ARHGAP35: variants seen among roughly 807,000 people sequenced by gnomAD.
ARHGAP35 encodes rho GTPase-activating protein 35.
ARHGAP35 carries 15 observed loss-of-function variants against 111.1 expected under a neutral mutation model. The observed-to-expected ratio is 0.13, with a 90% confidence interval of 0.09 to 0.21. The LOEUF (loss-of-function observed/expected upper bound fraction) is 0.21. Ranked by LOEUF, ARHGAP35 falls within the 10% of genes least tolerant of loss-of-function variation. ARHGAP35 has a pLI of 1.00. For synonymous variants in ARHGAP35, 643 were observed against 710.3 expected, an observed-to-expected ratio of 0.91 and a Z score of 1.51; for missense variants, 1,262 against 1,873.0, an observed-to-expected ratio of 0.67 and a Z score of 6.02.
rs116688324 is a variant in ARHGAP35, at chr19:46,918,349, C to T, written c.-188-139C>T. ...AGTCTTACTTGCTCTTGTATCTTCA[C>T]CCAGCACAAGGCCTGACACATGAGA... On this transcript the variant is annotated intron_variant, in intron 1 of 6. Coordinates refer to ENST00000672722, the MANE Select transcript of ARHGAP35 (RefSeq NM_004491.5). This position sits in a 1 kb window ranked among gnomAD's most constrained non-coding sequence, Gnocchi z 5.4. 0.012 allele frequency among the ~76,000 whole-genome samples: 1,871 copies of T among 152,244 alleles called. 38 individuals carry two copies. The highest frequency in any genetic ancestry group is 0.042 in the African/African-American group (1,763 of 41,514).
Position 46,966,262 on chromosome 19 carries a change from A to G in ARHGAP35, c.3827-21727A>G, listed in dbSNP as rs570733936. Reference sequence around the variant, plus strand: ...TTATTTTATTTATATACAAAATGCAATTGAGGCCAGGCGCAGTGGCTCATG... The same window carrying G: ...TTATTTTATTTATATACAAAATGCAGTTGAGGCCAGGCGCAGTGGCTCATG... On this transcript the variant is annotated intron_variant, in intron 3 of 6. Coordinates refer to ENST00000672722, the MANE Select transcript of ARHGAP35 (RefSeq NM_004491.5). 5.3e-5 allele frequency among the ~76,000 whole-genome samples: 8 copies of G among 152,298 alleles called. 1 individual carries two copies. Among genetic ancestry groups the G allele is most frequent in the African/African-American group, 1.9e-4 (8 of 41,560 alleles).
intron 3 of ARHGAP35, among the ~76,000 whole-genome samples, chr19:46,978,737 CTGTG>C (rs1160529570): frequency 1.5e-3 from 44 of 29,884 alleles, no homozygotes; most frequent in African/African-American, 5.6e-3. Context: ...GTGGTGGAGT[CTGTG>C]TGGTGTGTGT....
chr19:46,888,204 G>C (rs1294295479), intron 1 of ARHGAP35, among the ~76,000 whole-genome samples: 1 of 135,394 alleles, frequency 7.4e-6, no homozygotes, highest in Non-Finnish European at 1.6e-5. Context: ...CGCCCACCTC[G>C]GCCTCCCAAA....
Position 46,988,319 on chromosome 19 carries a change from T to A in ARHGAP35, c.3904+253T>A, listed in dbSNP as rs1038034969. On this transcript the variant is annotated intron_variant, in intron 4 of 6. Transcript: ENST00000672722. This position sits in a 1 kb window ranked among gnomAD's most constrained non-coding sequence, Gnocchi z 5.4. ...CACTCCCCACACTGCCACTCACAGA[T>A]GCTCTTCCAGGTTGCCCGGGCACAT... is the stretch of plus-strand genomic sequence containing the variant. 6.3e-6 allele frequency: 3 copies of A among 478,300 alleles called. No homozygotes were observed. The highest frequency in any genetic ancestry group is 7.7e-6 in the Non-Finnish European group (2 of 259,770). The allele number at this position is 478,300 out of a possible 1,614,324, so 29.6% of individuals were successfully genotyped here.
At chr19:46,944,538 C>T (rs2056367667) in intron 3 of ARHGAP35, among the ~76,000 whole-genome samples, 1 of 152,084 alleles carries the variant, frequency 6.6e-6, no homozygotes, top group Non-Finnish European at 1.5e-5. Flanking sequence ...ATATCTTGGG[C>T]GTCACTTCTG....
At chr19:46,968,886 A>G (rs1377503329) in intron 3 of ARHGAP35, among the ~76,000 whole-genome samples, 2 of 152,182 alleles carry the variant, frequency 1.3e-5, no homozygotes, top group Admixed American at 1.3e-4. Context: ...CGGGAGTTCA[A>G]GACCATCCTG....
At chr19:46,930,616 A>G (rs898204372) in intron 2 of ARHGAP35, among the ~76,000 whole-genome samples, 3 of 149,060 alleles carry the variant, frequency 2.0e-5, no homozygotes, top group Non-Finnish European at 4.4e-5. Context: ...TTCTGACTCT[A>G]AAATCTAGAT....
Position 47,001,055 on chromosome 19 carries a change from C to T in ARHGAP35, c.*367C>T, listed in dbSNP as rs995228430. ...GTCGGGACAGTGCCCTGGCCTTTGC[C>T]GGGGAGGAGGATGCTCTGAGATTCA... On this transcript the variant is annotated 3_prime_UTR_variant, in exon 7 of 7. Coordinates refer to ENST00000672722, the MANE Select transcript of ARHGAP35 (RefSeq NM_004491.5). The surrounding 1 kb of genome is among the most constrained non-coding windows in gnomAD (Gnocchi z 5.4). 25 of 1,344,942 alleles carry T rather than the reference C, an allele frequency of 1.9e-5. No individual in the cohort carries two copies. In the African/African-American group the frequency reaches 3.2e-4, roughly 17 times the overall value. 83.3% of individuals were successfully genotyped at this position (1,344,942 alleles called of 1,614,324 possible).
intron 3 of ARHGAP35, among the ~76,000 whole-genome samples, chr19:46,964,947 T>C (rs2056504243): frequency 2.0e-5 from 3 of 152,250 alleles, no homozygotes; most frequent in Admixed American, 1.3e-4. Context: ...TCAGTTATCA[T>C]AGTACTACCT....
intron 1 of ARHGAP35, among the ~76,000 whole-genome samples, chr19:46,881,367 A>G (rs1193632036): frequency 6.6e-6 from 1 of 152,250 alleles, no homozygotes; most frequent in Non-Finnish European, 1.5e-5. Context: ...TGTGTTTCTT[A>G]GGTAATAACA....
intron 1 of ARHGAP35, among the ~76,000 whole-genome samples, chr19:46,866,028 A>G (rs1166891308): frequency 6.6e-6 from 1 of 152,054 alleles, no homozygotes; most frequent in Non-Finnish European, 1.5e-5. Flanking sequence ...TTTAGTAGAG[A>G]TGGGGTTTCA....
Position 46,908,534 on chromosome 19 carries a change from G to A in ARHGAP35, c.-188-9954G>A, listed in dbSNP as rs1360979981. Among the ~76,000 whole-genome samples, 1 of 150,198 alleles carries A rather than the reference G, an allele frequency of 6.7e-6. No individual in the cohort carries two copies. Among genetic ancestry groups the A allele is most frequent in the Non-Finnish European group, 1.5e-5 (1 of 66,812 alleles). ...AATCCAGAAATTATGCTAAATCAGT[G>A]AGAAAGACTTCTTAGCTTTTGATTT... On this transcript the variant is annotated intron_variant, in intron 1 of 6. Coordinates refer to ENST00000672722, the MANE Select transcript of ARHGAP35 (RefSeq NM_004491.5). This position sits in a 1 kb window ranked among gnomAD's most constrained non-coding sequence, Gnocchi z 4.2.
chr19:46,965,360 A>G (rs1351248503), intron 3 of ARHGAP35, among the ~76,000 whole-genome samples: 1 of 152,222 alleles, frequency 6.6e-6, no homozygotes, highest in Non-Finnish European at 1.5e-5. Context: ...TACTGATTTT[A>G]CTTTCTTGTT....
chr19:46,900,770 A>G (rs1268817861), intron 1 of ARHGAP35, among the ~76,000 whole-genome samples: 1 of 151,274 alleles, frequency 6.6e-6, no homozygotes, highest in Admixed American at 6.6e-5. Context: ...AAATTAAAGA[A>G]AAAAAAAACA....
At chr19:46,892,318 A>G (rs1052002996) in intron 1 of ARHGAP35, among the ~76,000 whole-genome samples, 3 of 140,984 alleles carry the variant, frequency 2.1e-5, no homozygotes, top group South Asian at 2.3e-4. Flanking sequence ...AAAAAAAAAG[A>G]AAAAAAAAAA....
chr19:46,947,398 T>A (rs1028724355), intron 3 of ARHGAP35: 9 of 152,174 alleles, frequency 5.9e-5, no homozygotes, highest in Non-Finnish European at 1.2e-4. Flanking sequence ...ATGGAGCAAT[T>A]AGAATCCTCA....
intron 1 of ARHGAP35, among the ~76,000 whole-genome samples, chr19:46,910,826 A>G (rs1233924369): frequency 1.3e-5 from 2 of 152,126 alleles, no homozygotes; most frequent in Admixed American, 6.6e-5. Context: ...CCTGAGCTCA[A>G]GTGATCCACC....
At chr19:46,872,736 C>G (rs2055894330) in intron 1 of ARHGAP35, among the ~76,000 whole-genome samples, 1 of 151,986 alleles carries the variant, frequency 6.6e-6, no homozygotes, top group African/African-American at 2.4e-5. Context: ...AAAAAATTAG[C>G]CGGGCATGGT....
intron 1 of ARHGAP35, among the ~76,000 whole-genome samples, chr19:46,914,315 A>G (rs2056153071): frequency 1.3e-5 from 2 of 152,192 alleles, no homozygotes; most frequent in Admixed American, 6.5e-5. Context: ...TTTAAAAATA[A>G]CAGTCGTGGC....
Sources: gnomAD v4.1 joint callset for allele counts (sites outside exome capture counted in the v4.1 genomes callset) on GRCh38, gnomAD v4.1.1 for gene constraint, Gnocchi (gnomAD v3.1) non-coding constraint, MANE v1.5 for transcripts, NCBI Gene and HGNC (gene_info 2026-07-23, HGNC 2026-07-21) for gene names.